Variants in NELL1 observed in about 807,000 individuals in gnomAD.
NELL1 encodes neural EGFL like 1, also known as protein kinase C-binding protein NELL1.
NELL1 carries 76 observed loss-of-function variants against 107.4 expected under a neutral mutation model. The ratio of observed to expected loss-of-function variants is 0.71; its 90% CI spans 0.59 to 0.86. The LOEUF (loss-of-function observed/expected upper bound fraction) is 0.86. Ranked by LOEUF, NELL1 falls within the 40% of genes least tolerant of loss-of-function variation. The pLI is 0.00. For missense variants in NELL1, 1,024 were observed against 1,005.5 expected, an observed-to-expected ratio of 1.02 and a Z score of -0.25; for synonymous variants, 353 against 341.2, an observed-to-expected ratio of 1.03 and a Z score of -0.38.
intron 15 of NELL1, among the ~76,000 whole-genome samples, chr11:21,465,622 T>C (rs1854010196): frequency 6.6e-6 from 1 of 152,238 alleles, no homozygotes; most frequent in East Asian, 1.9e-4. Context: ...CATTCACCTT[T>C]TTAAAAATTA....
At chr11:20,868,637 G>A (rs1462579611) in intron 4 of NELL1, among the ~76,000 whole-genome samples, 4 of 151,994 alleles carry the variant, frequency 2.6e-5, no homozygotes, top group Non-Finnish European at 5.9e-5. Context: ...TTATATGAAT[G>A]AGTAAATGAA....
intron 12 of NELL1, among the ~76,000 whole-genome samples, chr11:20,972,525 T>C (rs990798093): frequency 2.0e-5 from 3 of 152,034 alleles, no homozygotes; most frequent in African/African-American, 7.2e-5. Context: ...TAGCATGAGA[T>C]AGAATTAGAA....
Position 20,886,256 on chromosome 11 carries a change from T to C in NELL1, c.603+716T>C, listed in dbSNP as rs140046176. Reference sequence around the variant, plus strand: ...GTGTGTACCCCCTACATCCAAAATTTTTTTTAAAAAAACTGCATTATTATA... The same window carrying C: ...GTGTGTACCCCCTACATCCAAAATTCTTTTTAAAAAAACTGCATTATTATA... On this transcript the variant is annotated intron_variant, in intron 5 of 19. Transcript: ENST00000357134. Among the ~76,000 whole-genome samples, 32 of 152,090 alleles carry C rather than the reference T, an allele frequency of 2.1e-4. 1 individual carries two copies. Among genetic ancestry groups the C allele is most frequent in the African/African-American group, 7.5e-4 (31 of 41,506 alleles).
At chr11:20,926,769 G>A (rs1850505351) in intron 7 of NELL1, among the ~76,000 whole-genome samples, 1 of 152,126 alleles carries the variant, frequency 6.6e-6, no homozygotes, top group South Asian at 2.1e-4. Context: ...GAATTCCTGG[G>A]GCATTCTGTT....
intron 13 of NELL1, among the ~76,000 whole-genome samples, chr11:21,218,461 C>T (rs367759034): frequency 2.5e-4 from 38 of 152,134 alleles, no homozygotes; most frequent in African/African-American, 8.7e-4. Flanking sequence ...TTACCCATCA[C>T]CTCAAATATT....
intron 12 of NELL1, among the ~76,000 whole-genome samples, chr11:21,020,150 A>G (rs1213442473): frequency 1.3e-5 from 2 of 152,134 alleles, no homozygotes; most frequent in South Asian, 2.1e-4. Context: ...ACTATATGCC[A>G]ATTAATAAGC....
chr11:21,264,071 G>GGTGTGTGTGTGTGTGTGT (rs10525326), intron 14 of NELL1, among the ~76,000 whole-genome samples: 30,442 of 139,040 alleles, frequency 0.22, 3,580 homozygotes, highest in Non-Finnish European at 0.28. Flanking sequence ...TCTACAATGG[G>GGTGTGTGTGTGTGTGTGT]GTGTGTGTGT....
At chr11:21,384,075 A>C (rs1851678046) in intron 15 of NELL1, among the ~76,000 whole-genome samples, 1 of 151,952 alleles carries the variant, frequency 6.6e-6, no homozygotes. Flanking sequence ...TCCCAACTTC[A>C]TATGATCTCC....
Position 20,971,722 on chromosome 11 carries a change from A to G in NELL1, c.1300+11162A>G, listed in dbSNP as rs898352960. Among the ~76,000 whole-genome samples, 26 of 152,188 alleles carry G rather than the reference A, an allele frequency of 1.7e-4. 1 individual carries two copies. Among genetic ancestry groups the G allele is most frequent in the Non-Finnish European group, 2.9e-5 (2 of 68,042 alleles). On this transcript the variant is annotated intron_variant, in intron 12 of 19. Transcript: ENST00000357134. ...CATTGTTTTGTGAACTTAAGCAGGGAACTTCATCTCTCATCATTTTCCCTT... is the reference window on the plus strand; with the variant it reads ...CATTGTTTTGTGAACTTAAGCAGGGGACTTCATCTCTCATCATTTTCCCTT...
At chr11:21,446,380 T>C (rs924255349) in intron 15 of NELL1, among the ~76,000 whole-genome samples, 1 of 151,708 alleles carries the variant, frequency 6.6e-6, no homozygotes, top group Non-Finnish European at 1.5e-5. Context: ...TATGTTTTCC[T>C]GGACCATTTT....
intron 15 of NELL1, among the ~76,000 whole-genome samples, chr11:21,464,157 T>A (rs1232433118): frequency 7.2e-5 from 11 of 152,018 alleles, no homozygotes; most frequent in Admixed American, 7.2e-4. Context: ...CTTCTAACCA[T>A]ATTTAAACGG....
At chr11:20,867,537 G>A (rs775395643) in intron 4 of NELL1, among the ~76,000 whole-genome samples, 1 of 152,174 alleles carries the variant, frequency 6.6e-6, no homozygotes, top group Non-Finnish European at 1.5e-5. Context: ...CTGTGGTGAT[G>A]TTTGAAAGAA....
At chr11:21,346,882 G>A (rs2133712775) in intron 14 of NELL1, among the ~76,000 whole-genome samples, 1 of 151,998 alleles carries the variant, frequency 6.6e-6, no homozygotes, top group East Asian at 1.9e-4. Context: ...ATGATCTTGG[G>A]GTAACTTACA....
intron 12 of NELL1, among the ~76,000 whole-genome samples, chr11:21,027,857 A>G (rs1460288726): frequency 1.3e-5 from 2 of 152,158 alleles, no homozygotes; most frequent in Non-Finnish European, 2.9e-5. Context: ...AGGCACTACA[A>G]GGAGTTGTAT....
At chr11:21,153,086 T>C (rs1856154595) in intron 13 of NELL1, among the ~76,000 whole-genome samples, 1 of 152,224 alleles carries the variant, frequency 6.6e-6, no homozygotes, top group Non-Finnish European at 1.5e-5. Flanking sequence ...TGGGTCTTTT[T>C]ATGTCCCTCT....
intron 11 of NELL1, among the ~76,000 whole-genome samples, chr11:20,954,369 C>T (rs1202331586): frequency 6.6e-6 from 1 of 152,140 alleles, no homozygotes; most frequent in Non-Finnish European, 1.5e-5. Flanking sequence ...GGATCTGTGT[C>T]CTGCTCCTAT....
At chr11:20,690,432 T>C (rs1854432262) in intron 2 of NELL1, among the ~76,000 whole-genome samples, 1 of 152,178 alleles carries the variant, frequency 6.6e-6, no homozygotes, top group South Asian at 2.1e-4. Flanking sequence ...TGTTTAAGTC[T>C]TTAATCCATC....
At chr11:21,449,641 G>A (rs1853529656) in intron 15 of NELL1, among the ~76,000 whole-genome samples, 1 of 152,116 alleles carries the variant, frequency 6.6e-6, no homozygotes, top group Non-Finnish European at 1.5e-5. Context: ...CAATCATGAT[G>A]AGTTTCTCCA....
rs553904926 is a variant in NELL1 at position 20,937,542 on chromosome 11, G to A, written c.998-244G>A. 6.2e-4 allele frequency among the ~76,000 whole-genome samples: 95 copies of A among 152,342 alleles called. 1 individual carries two copies. The highest frequency in any genetic ancestry group is 1.2e-3 in the Non-Finnish European group (80 of 68,034). ...TCATTCTCTAGTTCCTTTGGCAACT[G>A]TAACATTGAAATAATTGTATATCCT... On this transcript the variant is annotated intron_variant, in intron 9 of 19. Transcript: ENST00000357134.
Sources: gnomAD v4.1 joint callset for allele counts (sites outside exome capture counted in the v4.1 genomes callset) on GRCh38, gnomAD v4.1.1 for gene constraint, MANE v1.5 for transcripts, NCBI Gene and HGNC (gene_info 2026-07-23, HGNC 2026-07-21) for gene names.